The following SSPN variants were observed in gnomAD, a reference collection of about 807,000 sequenced individuals.
SSPN encodes the protein sarcospan, also known as K-ras oncogene-associated protein.
A neutral mutation model predicts 19.1 loss-of-function variants in SSPN; 15 were observed. That is an observed-to-expected ratio of 0.78 (90% CI 0.52 to 1.21). The LOEUF is 1.21. Among genes scored for constraint, SSPN ranks in the 50% most tolerant of loss-of-function variants. SSPN has a pLI of 0.00. For synonymous variants in SSPN, 147 were observed against 140.3 expected, an observed-to-expected ratio of 1.05 and a Z score of -0.34; for missense variants, 291 against 314.0, an observed-to-expected ratio of 0.93 and a Z score of 0.55.
intron 1 of SSPN, among the ~76,000 whole-genome samples, chr12:26,161,229 C>A (rs1213663713): frequency 6.6e-6 from 1 of 152,048 alleles, no homozygotes; most frequent in African/African-American, 2.4e-5. Flanking sequence ...GTCTACACAG[C>A]CCTTCATGAT....
chr12:26,172,865 G>A (rs1436454121), intron 1 of SSPN, among the ~76,000 whole-genome samples: 2 of 150,884 alleles, frequency 1.3e-5, no homozygotes, highest in Non-Finnish European at 2.9e-5. Flanking sequence ...CTCTCTCTCT[G>A]TCTGTCTTTC....
In SSPN at chr12:26,233,202, C is replaced by T. The variant is rs1429833329; in HGVS notation, c.*2126C>T. The T allele has an allele frequency of 6.6e-6, 1 of 151,992 alleles. No homozygotes were observed. Among genetic ancestry groups the T allele is most frequent in the Non-Finnish European group, 1.5e-5 (1 of 68,006 alleles). 9.4% of individuals were successfully genotyped at this position (151,992 alleles called of 1,614,324 possible). On this transcript the variant is annotated 3_prime_UTR_variant, in exon 3 of 3. Coordinates refer to ENST00000242729, the MANE Select transcript of SSPN (RefSeq NM_005086.5). The surrounding 1 kb of genome is among the most constrained non-coding windows in gnomAD (Gnocchi z 4.3). The stretch of plus-strand genomic sequence containing the variant: ...CTGTATATCCTTAAGGTGCTCTATG[C>T]TTTACCAGTAATTCACAGGGTATTT...
intron 1 of SSPN, chr12:26,123,125 C>A (rs369764189): frequency 1.1e-5 from 17 of 1,609,426 alleles, no homozygotes; most frequent in African/African-American, 1.3e-5. Context: ...CCGAGTGGAA[C>A]GCATCCAAGT....
At chr12:26,179,836 G>A (rs1944707290) in intron 1 of SSPN, among the ~76,000 whole-genome samples, 2 of 151,206 alleles carry the variant, frequency 1.3e-5, no homozygotes, top group Non-Finnish European at 1.5e-5. Flanking sequence ...TATGTATACG[G>A]TGTTGCAGTA....
chr12:26,218,412 G>A (rs368091680), intron 1 of SSPN, among the ~76,000 whole-genome samples: 116 of 110,890 alleles, frequency 1.0e-3, no homozygotes, highest in African/African-American at 3.6e-3. Flanking sequence ...TGGGTGCAGC[G>A]CACCAGCATG....
rs148534366 is a variant in SSPN at position 26,158,656 on chromosome 12, G to C, written c.-31+36504G>C. 1.6e-3 allele frequency among the ~76,000 whole-genome samples: 250 copies of C among 152,382 alleles called. 1 individual carries two copies. Among genetic ancestry groups the C allele is most frequent in the South Asian group, 3.5e-3 (17 of 4,826 alleles). Reference sequence around the variant, plus strand: ...ATGAGTCCTGGCTGGGGAAGGCTGGGTAGAGGGTTGCTGCACACACACAGC... The same window carrying C: ...ATGAGTCCTGGCTGGGGAAGGCTGGCTAGAGGGTTGCTGCACACACACAGC... On this transcript the variant is annotated intron_variant, in intron 1 of 2. Coordinates refer to the SSPN transcript ENST00000538142.
intron 1 of SSPN, among the ~76,000 whole-genome samples, chr12:26,147,459 T>C (rs1944499565): frequency 2.6e-5 from 4 of 152,062 alleles, no homozygotes; most frequent in Admixed American, 2.6e-4. Context: ...TTTGTAGAGA[T>C]GGGGTTTTAC....
chr12:26,131,682 C>T (rs1045100270), intron 1 of SSPN, among the ~76,000 whole-genome samples: 7 of 152,256 alleles, frequency 4.6e-5, no homozygotes, highest in Non-Finnish European at 5.9e-5. Context: ...ATTTCTAAGG[C>T]TGGGATTGGG....
chr12:26,204,285 T>C (rs1944911856), intron 1 of SSPN, among the ~76,000 whole-genome samples: 1 of 152,158 alleles, frequency 6.6e-6, no homozygotes, highest in Admixed American at 6.5e-5. Context: ...GTGAGACATA[T>C]GGAGGAAGCT....
chr12:26,224,504 C>CA (rs1246540399), intron 2 of SSPN, 125 bp downstream of exon 2: 5 of 785,458 alleles, frequency 6.4e-6, no homozygotes, highest in Non-Finnish European at 8.5e-6. Flanking sequence ...TTAGGCAGGC[C>CA]AAAAAATGTT....
At chr12:26,131,373 T>C (rs1944396674) in intron 1 of SSPN, among the ~76,000 whole-genome samples, 1 of 152,224 alleles carries the variant, frequency 6.6e-6, no homozygotes, top group Admixed American at 6.5e-5. Flanking sequence ...TTGGAAATGA[T>C]TGTCTGTCTT....
intron 1 of SSPN, chr12:26,124,252 T>TTGGGGG: frequency 2.3e-6 from 2 of 879,422 alleles, no homozygotes; most frequent in Non-Finnish European, 3.6e-6. Context: ...TACCCTCGTC[T>TTGGGGG]GCCCCCCCCG....
chr12:26,144,855 G>T (rs929083421), intron 1 of SSPN, among the ~76,000 whole-genome samples: 2 of 152,140 alleles, frequency 1.3e-5, no homozygotes, highest in African/African-American at 4.8e-5. Context: ...TATATTATTC[G>T]TAGTCTAAAT....
At chr12:26,199,527 A>G (rs564641884) in intron 1 of SSPN, among the ~76,000 whole-genome samples, 1 of 152,326 alleles carries the variant, frequency 6.6e-6, no homozygotes, top group African/African-American at 2.4e-5. Context: ...ACTTTTGAGG[A>G]TGCACTTGGC....
At chr12:26,180,062 T>G (rs1454919368) in intron 1 of SSPN, 1 of 151,978 alleles carries the variant, frequency 6.6e-6, no homozygotes, top group Non-Finnish European at 1.5e-5. Flanking sequence ...AGAGGACTGT[T>G]CCTCCAAGCA....
rs114300269 is a variant in SSPN, at chr12:26,205,564, G to A, written c.279+9613G>A. 4.5e-3 allele frequency among the ~76,000 whole-genome samples: 680 copies of A among 152,278 alleles called. 2 individuals carry two copies. Among genetic ancestry groups the A allele is most frequent in the African/African-American group, 0.016 (668 of 41,552 alleles). On this transcript the variant is annotated intron_variant, in intron 1 of 2. Coordinates refer to ENST00000242729, the MANE Select transcript of SSPN (RefSeq NM_005086.5). ...GCTATGCCAGGAAAGCTATGAAGGA[G>A]GCATTTTCTAAGACAAGGGCAACAG...
chr12:26,184,663 G>C (rs1944740597), intron 1 of SSPN, among the ~76,000 whole-genome samples: 1 of 152,068 alleles, frequency 6.6e-6, no homozygotes, highest in African/African-American at 2.4e-5. Flanking sequence ...GGTCTATATA[G>C]TCAATATATA....
chr12:26,226,813 G>A (rs1945181221), intron 2 of SSPN, among the ~76,000 whole-genome samples: 1 of 152,188 alleles, frequency 6.6e-6, no homozygotes, highest in Non-Finnish European at 1.5e-5. Flanking sequence ...CTCCTCCCGA[G>A]CAGTGCGCTG....
intron 1 of SSPN, chr12:26,122,447 A>C (rs1343619464): frequency 4.4e-6 from 6 of 1,355,150 alleles, no homozygotes; most frequent in East Asian, 3.3e-5. Context: ...CAGCTGCAGA[A>C]GGCGAGAGGA....
Sources: gnomAD v4.1 joint callset for allele counts (sites outside exome capture counted in the v4.1 genomes callset) on GRCh38, gnomAD v4.1.1 for gene constraint, Gnocchi (gnomAD v3.1) non-coding constraint, MANE v1.5 for transcripts, NCBI Gene and HGNC (gene_info 2026-07-23, HGNC 2026-07-21) for gene names.